Variants in PTN observed in about 807,000 individuals in gnomAD.
PTN encodes heparin affin regulatory protein.
PTN carries 18 observed loss-of-function variants against 24.1 expected under a neutral mutation model. The ratio of observed to expected loss-of-function variants is 0.75; its 90% CI spans 0.52 to 1.11. PTN has a LOEUF of 1.11. PTN is among the 50% of genes least tolerant of loss of function. The pLI, the probability that PTN is intolerant of heterozygous loss-of-function variation, is 0.00. For synonymous variants in PTN, 78 were observed against 68.6 expected, an observed-to-expected ratio of 1.14 and a Z score of -0.67; for missense variants, 163 against 198.8, an observed-to-expected ratio of 0.82 and a Z score of 1.08.
At chr7:137,249,568 G>A (rs1011394666) in intron 4 of PTN, among the ~76,000 whole-genome samples, 1 of 152,014 alleles carries the variant, frequency 6.6e-6, no homozygotes, top group Admixed American at 6.6e-5. Flanking sequence ...TTTCAATTCT[G>A]TATTTATGCT....
At chr7:137,275,733 A>G (rs1809349935) in intron 1 of PTN, among the ~76,000 whole-genome samples, 1 of 152,184 alleles carries the variant, frequency 6.6e-6, no homozygotes, top group Non-Finnish European at 1.5e-5. Context: ...TAAATGCCCC[A>G]TGTTGACTAA....
At chr7:137,248,915 T>C (rs1808773170) in intron 4 of PTN, among the ~76,000 whole-genome samples, 1 of 152,188 alleles carries the variant, frequency 6.6e-6, no homozygotes, top group South Asian at 2.1e-4. Context: ...TATACCATAA[T>C]TTATTTACGT....
At chr7:137,245,568 T>C (rs1244205131) in intron 4 of PTN, among the ~76,000 whole-genome samples, 2 of 152,342 alleles carry the variant, frequency 1.3e-5, no homozygotes, top group East Asian at 1.9e-4. Context: ...TACTATACAA[T>C]ACTTTTAATC....
chr7:137,236,957 T>C (rs1383670150), intron 4 of PTN, among the ~76,000 whole-genome samples: 1 of 152,124 alleles, frequency 6.6e-6, no homozygotes, highest in African/African-American at 2.4e-5. Flanking sequence ...AAAATTTTAG[T>C]AGGTACAGTC....
At chr7:137,289,294 C>A (rs1809604581) in intron 1 of PTN, among the ~76,000 whole-genome samples, 1 of 152,166 alleles carries the variant, frequency 6.6e-6, no homozygotes, top group Admixed American at 6.6e-5. Context: ...AATGACTTTA[C>A]ACTGGAGGGT....
Position 137,254,846 on chromosome 7 carries a change from C to A in PTN, c.115+13G>T. The A allele has an allele frequency of 2.0e-6, 3 of 1,522,046 alleles. No individual in the cohort carries two copies. Among genetic ancestry groups the A allele is most frequent in the Non-Finnish European group, 2.7e-6 (3 of 1,114,426 alleles). The allele number at this position is 1,522,046 out of a possible 1,614,324, so 94.3% of individuals were successfully genotyped here. A position where few individuals can be genotyped will look rare whatever the true frequency, so the allele number is the denominator to read the frequency against. On this transcript the variant is annotated intron_variant, in intron 2 of 4. Coordinates refer to ENST00000348225, the MANE Select transcript of PTN (RefSeq NM_002825.7). ...TCAATGAAGCATCTTGCCTTCAGAA[C>A]CCTACTGCTTACCTGGTTTCTCTTT...
chr7:137,284,585 G>A (rs910075978), intron 1 of PTN, among the ~76,000 whole-genome samples: 2 of 152,112 alleles, frequency 1.3e-5, no homozygotes, highest in African/African-American at 4.8e-5. Context: ...TGATTTTATT[G>A]CCATAGAGTA....
At chr7:137,235,848 T>C (rs1808510816) in intron 4 of PTN, among the ~76,000 whole-genome samples, 1 of 152,114 alleles carries the variant, frequency 6.6e-6, no homozygotes, top group Non-Finnish European at 1.5e-5. Flanking sequence ...TCTGCACTCA[T>C]TTGCTTTCTG....
intron 1 of PTN, among the ~76,000 whole-genome samples, chr7:137,335,100 G>A (rs1810424653): frequency 1.4e-5 from 2 of 142,408 alleles, no homozygotes; most frequent in Non-Finnish European, 3.1e-5. Flanking sequence ...GCTAAATGAC[G>A]AGTTGATGGG....
intron 4 of PTN, among the ~76,000 whole-genome samples, chr7:137,235,170 C>T (rs998052761): frequency 1.3e-5 from 2 of 152,046 alleles, no homozygotes; most frequent in Non-Finnish European, 2.9e-5. Flanking sequence ...ACAGTACCAT[C>T]GCAACGTAAA....
At chr7:137,268,643 A>C (rs967990605) in intron 1 of PTN, among the ~76,000 whole-genome samples, 4 of 152,190 alleles carry the variant, frequency 2.6e-5, no homozygotes, top group African/African-American at 9.6e-5. Flanking sequence ...TCTGTAGATA[A>C]CAACAGTTGC....
At chr7:137,314,536 T>C (rs1198212548) in intron 1 of PTN, among the ~76,000 whole-genome samples, 4 of 151,364 alleles carry the variant, frequency 2.6e-5, no homozygotes, top group African/African-American at 9.7e-5. Flanking sequence ...ATGTGCCGTA[T>C]ACATTATGCC....
intron 4 of PTN, among the ~76,000 whole-genome samples, chr7:137,244,418 A>T (rs1808687831): frequency 7.3e-6 from 1 of 136,890 alleles, no homozygotes; most frequent in South Asian, 2.3e-4. Context: ...TCTAGGGTAC[A>T]TGTGCACAAC....
At chr7:137,310,336 C>A (rs1809958810) in intron 1 of PTN, among the ~76,000 whole-genome samples, 1 of 151,264 alleles carries the variant, frequency 6.6e-6, no homozygotes, top group South Asian at 2.1e-4. Context: ...TTCTTAAGGG[C>A]CCTAGTATTT....
At chr7:137,340,319 T>C (rs908990854) in intron 1 of PTN, among the ~76,000 whole-genome samples, 1 of 152,198 alleles carries the variant, frequency 6.6e-6, no homozygotes, top group African/African-American at 2.4e-5. Flanking sequence ...TTTTAATTTC[T>C]TATTTACTAA....
rs368770752 is a variant in PTN at position 137,317,610 on chromosome 7, T to C, written c.-2+25829A>G. Among the ~76,000 whole-genome samples, 8 of 152,336 alleles carry C rather than the reference T, an allele frequency of 5.3e-5. No individual in the cohort carries two copies. In the East Asian group the frequency reaches 1.4e-3, roughly 26 times the overall value. On this transcript the variant is annotated intron_variant, in intron 1 of 4. Transcript: ENST00000348225. ...AAATGTTCTCATCCTACAGCATTTGTTGTATTTATTTTGATCGTGTGTTTA... is the reference window on the plus strand; with the variant it reads ...AAATGTTCTCATCCTACAGCATTTGCTGTATTTATTTTGATCGTGTGTTTA...
chr7:137,333,474 C>T (rs1810394540), intron 1 of PTN, among the ~76,000 whole-genome samples: 1 of 152,134 alleles, frequency 6.6e-6, no homozygotes, highest in African/African-American at 2.4e-5. Context: ...AAGCAAAAAG[C>T]CCTGGCTGTT....
At chr7:137,294,589 C>G (rs1809690379) in intron 1 of PTN, among the ~76,000 whole-genome samples, 1 of 152,072 alleles carries the variant, frequency 6.6e-6, no homozygotes, top group African/African-American at 2.4e-5. Context: ...AGAGTCTGGC[C>G]TGTTAGCAAG....
At chr7:137,261,119 C>T (rs1439765143) in intron 1 of PTN, among the ~76,000 whole-genome samples, 2 of 151,862 alleles carry the variant, frequency 1.3e-5, no homozygotes, top group Non-Finnish European at 2.9e-5. Flanking sequence ...TGCATTTATT[C>T]ATATTTGATA....
Sources: allele counts gnomAD v4.1 joint callset (sites outside exome capture counted in the v4.1 genomes callset), GRCh38; gene constraint gnomAD v4.1.1; transcripts MANE v1.5; gene names NCBI Gene and HGNC (gene_info 2026-07-23, HGNC 2026-07-21).